Variants in LIMD1 observed in about 807,000 individuals in gnomAD.
The protein encoded by LIMD1 is LIM domain-containing protein 1.
Under a neutral mutation model 58.4 loss-of-function variants are expected in LIMD1, and 23 were observed. The observed-to-expected ratio is 0.39, with a 90% CI of 0.28 to 0.56. The LOEUF (loss-of-function observed/expected upper bound fraction) is 0.56. Ranked by LOEUF, LIMD1 falls within the 20% of genes least tolerant of loss-of-function variation. The pLI is 0.57. For missense variants in LIMD1, 838 were observed against 855.5 expected, an observed-to-expected ratio of 0.98 and a Z score of 0.25; for synonymous variants, 334 against 345.5, an observed-to-expected ratio of 0.97 and a Z score of 0.37.
rs182433032 is a variant in LIMD1 at position 45,607,906 on chromosome 3, C to T, written c.1408+11619C>T. ...GCAGGGTGGAACCAAGTTATGGCCACGTTTGCTCGCGTGATGGTTAGGGCT... is the reference window on the plus strand; with the variant it reads ...GCAGGGTGGAACCAAGTTATGGCCATGTTTGCTCGCGTGATGGTTAGGGCT... On this transcript the variant is annotated intron_variant, in intron 1 of 7. Coordinates refer to ENST00000273317, the MANE Select transcript of LIMD1 (RefSeq NM_014240.3). Among the ~76,000 whole-genome samples the T allele has an allele frequency of 2.4e-4, 36 of 152,330 alleles. 1 individual carries two copies. In the East Asian group the frequency reaches 5.2e-3, roughly 22 times the overall value.
intron 1 of LIMD1, among the ~76,000 whole-genome samples, chr3:45,602,621 C>G (rs1386143172): frequency 6.6e-6 from 1 of 152,126 alleles, no homozygotes; most frequent in Non-Finnish European, 1.5e-5. Context: ...CTGCCCTGAC[C>G]GGGGCCAGGG....
intron 2 of LIMD1, among the ~76,000 whole-genome samples, chr3:45,664,830 C>G (rs1052358090): frequency 1.3e-5 from 2 of 152,168 alleles, no homozygotes; most frequent in African/African-American, 2.4e-5. Flanking sequence ...CTTGGTTTAA[C>G]TTTTTGCAGA....
intron 1 of LIMD1, among the ~76,000 whole-genome samples, chr3:45,634,279 T>C (rs1361905025): frequency 2.6e-5 from 4 of 152,210 alleles, no homozygotes; most frequent in Non-Finnish European, 5.9e-5. Context: ...TCTTGTGCAT[T>C]GTTTACATAA....
At chr3:45,598,137 C>T (rs1050549548) in intron 1 of LIMD1, among the ~76,000 whole-genome samples, 48 of 151,810 alleles carry the variant, frequency 3.2e-4, no homozygotes, top group African/African-American at 1.0e-3. Context: ...AGGAAGGGGA[C>T]GTGGAGGTGG....
chr3:45,641,601 C>G (rs1007516151), intron 2 of LIMD1, among the ~76,000 whole-genome samples: 1 of 151,636 alleles, frequency 6.6e-6, no homozygotes, highest in African/African-American at 2.4e-5. Context: ...TCCATTGATA[C>G]TGCATTAAAC....
At position 45,682,599 on chromosome 3, in the gene LIMD1, G is replaced by C. The variant is rs1697758499; in HGVS notation, c.*5540G>C. 1 of 152,238 alleles carries C rather than the reference G, an allele frequency of 6.6e-6. No individual in the cohort carries two copies. Among genetic ancestry groups the C allele is most frequent in the Non-Finnish European group, 1.5e-5 (1 of 68,056 alleles). The allele number at this position is 152,238 out of a possible 1,614,324, so 9.4% of individuals were successfully genotyped here. A position where few individuals can be genotyped will look rare whatever the true frequency, so the allele number is the denominator to read the frequency against. On this transcript the variant is annotated 3_prime_UTR_variant, in exon 8 of 8. Coordinates refer to ENST00000273317, the MANE Select transcript of LIMD1 (RefSeq NM_014240.3). ...CATAGCAGATGTTATTCCAAGGACTGTATGTTCTTTATCATCCCTCATTTG... is the reference window on the plus strand; with the variant it reads ...CATAGCAGATGTTATTCCAAGGACTCTATGTTCTTTATCATCCCTCATTTG...
chr3:45,675,731 A>G (rs1480601317), intron 7 of LIMD1, among the ~76,000 whole-genome samples: 1 of 152,190 alleles, frequency 6.6e-6, no homozygotes, highest in Non-Finnish European at 1.5e-5. Context: ...ATATCCAGCC[A>G]GGCATGGGCC....
In LIMD1 at chr3:45,679,004, C is replaced by T. The variant is rs1348177687; in HGVS notation, c.*1945C>T. On this transcript the variant is annotated 3_prime_UTR_variant, in exon 8 of 8. Coordinates refer to ENST00000273317, the MANE Select transcript of LIMD1 (RefSeq NM_014240.3). Reference sequence around the variant, plus strand: ...TGGGGACCCTCTCTTCCCATCAAATCATCCAGCTCAGTGTGGGGCGTGGCA... The same window carrying T: ...TGGGGACCCTCTCTTCCCATCAAATTATCCAGCTCAGTGTGGGGCGTGGCA... 1 of 152,216 alleles carries T rather than the reference C, an allele frequency of 6.6e-6. No individual in the cohort carries two copies. The highest frequency in any genetic ancestry group is 1.5e-5 in the Non-Finnish European group (1 of 68,082). The allele number at this position is 152,216 out of a possible 1,614,324, so 9.4% of individuals were successfully genotyped here. A position where few individuals can be genotyped will look rare whatever the true frequency, so the allele number is the denominator to read the frequency against.
intron 1 of LIMD1, among the ~76,000 whole-genome samples, chr3:45,602,496 T>G (rs1701425372): frequency 2.0e-5 from 3 of 152,098 alleles, no homozygotes; most frequent in African/African-American, 7.2e-5. Context: ...TGTGTTTGGT[T>G]TTTCTGTCTT....
At chr3:45,628,362 A>G (rs1264842117) in intron 1 of LIMD1, among the ~76,000 whole-genome samples, 3 of 152,228 alleles carry the variant, frequency 2.0e-5, no homozygotes, top group Non-Finnish European at 4.4e-5. Flanking sequence ...GCGTCTCACT[A>G]AAGAAGAAAA....
intron 2 of LIMD1, among the ~76,000 whole-genome samples, chr3:45,640,883 A>AC (rs1483343910): frequency 6.6e-6 from 1 of 152,160 alleles, no homozygotes; most frequent in Admixed American, 6.5e-5. Context: ...GGGGCTGCAC[A>AC]CCCTCCTGCT....
In LIMD1 at chr3:45,595,416, T is replaced by C. The variant is rs1701335186; in HGVS notation, c.537T>C (p.Tyr179=). 2 of 1,613,932 alleles carry C rather than the reference T, an allele frequency of 1.2e-6. No individual in the cohort carries two copies. The highest frequency in any genetic ancestry group is 1.3e-5 in the African/African-American group (1 of 74,932). Residue 179 remains tyrosine (Y), a synonymous_variant, in exon 1 of 8, where the codon TAT becomes TAC. Transcript: ENST00000273317. ...EDPSCLTHGD[Y]YDNLSLASPK... is the part of the protein sequence containing the mutation. Reference sequence around the variant, plus strand: ...CTTCCTGCCTCACTCATGGAGACTATTATGACAACCTCTCCTTGGCAAGCC... The same window carrying C: ...CTTCCTGCCTCACTCATGGAGACTACTATGACAACCTCTCCTTGGCAAGCC...
At chr3:45,616,715 A>G (rs1352493005) in intron 1 of LIMD1, among the ~76,000 whole-genome samples, 1 of 151,620 alleles carries the variant, frequency 6.6e-6, no homozygotes, top group African/African-American at 2.4e-5. Flanking sequence ...CTGTGTGTGC[A>G]TTGCAGATAG....
chr3:45,644,988 T>A (rs1701887160), intron 2 of LIMD1, among the ~76,000 whole-genome samples: 1 of 152,220 alleles, frequency 6.6e-6, no homozygotes, highest in Admixed American at 6.5e-5. Flanking sequence ...GTCCGAATAT[T>A]TCTCATCATA....
intron 1 of LIMD1, among the ~76,000 whole-genome samples, chr3:45,601,087 C>A (rs1400617560): frequency 2.0e-5 from 3 of 152,072 alleles, no homozygotes; most frequent in Non-Finnish European, 4.4e-5. Flanking sequence ...AAACAAAAAA[C>A]CCCACAAATA....
At chr3:45,604,544 A>T (rs1701449223) in intron 1 of LIMD1, among the ~76,000 whole-genome samples, 1 of 151,586 alleles carries the variant, frequency 6.6e-6, no homozygotes, top group Non-Finnish European at 1.5e-5. Flanking sequence ...ATGGATTCAC[A>T]CTCCTCTCAC....
intron 1 of LIMD1, among the ~76,000 whole-genome samples, chr3:45,615,488 G>T (rs973731540): frequency 3.3e-5 from 5 of 152,038 alleles, no homozygotes; most frequent in Admixed American, 3.3e-4. Context: ...GTAATTTCTG[G>T]CTGGGCAGTA....
chr3:45,617,069 T>C (rs558990254), intron 1 of LIMD1, among the ~76,000 whole-genome samples: 2 of 142,192 alleles, frequency 1.4e-5, no homozygotes, highest in African/African-American at 5.2e-5. Flanking sequence ...AGTCTAGCTC[T>C]GTCGCCCAGG....
chr3:45,673,359 A>G, intron 5 of LIMD1, 95 bp from the exon 6 acceptor site: 1 of 944,320 alleles, frequency 1.1e-6, no homozygotes, highest in East Asian at 2.4e-5. Flanking sequence ...AGGAGGCGGC[A>G]TGGAGGAAGG....
Sources: gnomAD v4.1 joint callset for allele counts (sites outside exome capture counted in the v4.1 genomes callset) on GRCh38, gnomAD v4.1.1 for gene constraint, MANE v1.5 for transcripts, NCBI Gene and HGNC (gene_info 2026-07-23, HGNC 2026-07-21) for gene names.